The following SPHKAP variants were observed in gnomAD, a reference collection of about 807,000 sequenced individuals.
The protein encoded by SPHKAP is SPHK1 interactor, AKAP domain containing, also known as A-kinase anchor protein SPHKAP.
SPHKAP carries 67 observed loss-of-function variants against 137.5 expected under a neutral mutation model. The observed-to-expected ratio is 0.49, with a 90% CI of 0.40 to 0.60. The LOEUF is 0.60. SPHKAP is among the 20% of genes least tolerant of loss of function. The pLI is 0.00. For synonymous variants in SPHKAP, 813 were observed against 785.3 expected, an observed-to-expected ratio of 1.04 and a Z score of -0.59; for missense variants, 2,097 against 2,069.3, an observed-to-expected ratio of 1.01 and a Z score of -0.26.
At chr2:228,108,995 G>C in intron 2 of SPHKAP, 56 bp from the exon 3 acceptor site, 1 of 1,087,910 alleles carries the variant, frequency 9.2e-7, no homozygotes, top group African/African-American at 1.7e-5. Context: ...TATCTAAACA[G>C]CAGCTCTCTC....
rs371341021 is a variant in SPHKAP at position 228,033,948 on chromosome 2, C to A, written c.247-6405G>T. On this transcript the variant is annotated intron_variant, in intron 3 of 11. Coordinates refer to ENST00000392056, the MANE Select transcript of SPHKAP (RefSeq NM_001142644.2). The stretch of plus-strand genomic sequence containing the variant: ...AGCAGGAAAAATCCAAAATCGACAC[C>A]CTAACGTCACAATTAAAAGAACTAG... 2.6e-5 allele frequency among the ~76,000 whole-genome samples: 4 copies of A among 151,972 alleles called. No individual in the cohort carries two copies. In the East Asian group the frequency reaches 7.7e-4, roughly 29 times the overall value.
rs759501573 is a variant in SPHKAP at position 228,017,581 on chromosome 2, G to C, written c.3273C>G (p.Ser1091=). ...GGCTGTTGACATAGGCCCTGGCCTC[G>C]GAGTCTTCCTCAGGAATGCTTTCGC... is the stretch of plus-strand genomic sequence containing the variant. ...SSCESIPEED[S]EARAYVNSLG... Residue 1091 remains serine, a synonymous_variant, in exon 7 of 12, where the codon TCC becomes TCG. Transcript: ENST00000392056. 1.9e-6 allele frequency: 3 copies of C among 1,613,792 alleles called. No individual in the cohort carries two copies. The highest frequency in any genetic ancestry group is 4.5e-5 in the East Asian group (2 of 44,866).
At chr2:228,082,681 G>A (rs533188906) in intron 3 of SPHKAP, among the ~76,000 whole-genome samples, 1 of 152,044 alleles carries the variant, frequency 6.6e-6, no homozygotes, top group Non-Finnish European at 1.5e-5. Context: ...AGAAAGGCTG[G>A]GACACTGGAC....
chr2:228,024,850 GATA>G (rs1259097608), intron 5 of SPHKAP, among the ~76,000 whole-genome samples: 1 of 152,130 alleles, frequency 6.6e-6, no homozygotes, highest in Non-Finnish European at 1.5e-5. Flanking sequence ...TGCACGGAAT[GATA>G]ATAGTAGTAT....
At chr2:228,133,545 G>A (rs922896812) in intron 1 of SPHKAP, among the ~76,000 whole-genome samples, 1 of 151,980 alleles carries the variant, frequency 6.6e-6, no homozygotes, top group East Asian at 1.9e-4. Flanking sequence ...TAGGTCTATT[G>A]GTTTAATATT....
chr2:228,014,259 A>T (rs1386883408), intron 7 of SPHKAP, among the ~76,000 whole-genome samples: 1 of 152,002 alleles, frequency 6.6e-6, no homozygotes, highest in Non-Finnish European at 1.5e-5. Context: ...GTTAAAGAAG[A>T]CTCCAAGTCA....
chr2:228,165,028 A>G (rs1700384194), intron 1 of SPHKAP, among the ~76,000 whole-genome samples: 1 of 152,200 alleles, frequency 6.6e-6, no homozygotes, highest in South Asian at 2.1e-4. Flanking sequence ...TATCTGATAT[A>G]CAGTAAAGGA....
At chr2:228,001,595 G>T (rs762128684) in intron 7 of SPHKAP, among the ~76,000 whole-genome samples, 10 of 148,282 alleles carry the variant, frequency 6.7e-5, no homozygotes, top group African/African-American at 2.5e-4. Context: ...TATACTTTAA[G>T]TTCTAGGGTA....
intron 1 of SPHKAP, among the ~76,000 whole-genome samples, chr2:228,174,017 A>G (rs1700664141): frequency 6.6e-6 from 1 of 152,212 alleles, no homozygotes; most frequent in Non-Finnish European, 1.5e-5. Flanking sequence ...CTTCTACCTT[A>G]AGGAGAAATG....
intron 3 of SPHKAP, among the ~76,000 whole-genome samples, chr2:228,097,324 C>T (rs1469060596): frequency 6.6e-6 from 1 of 152,150 alleles, no homozygotes; most frequent in Non-Finnish European, 1.5e-5. Flanking sequence ...TTTAAAAACA[C>T]ACTTCGATTT....
rs1359828809 is a variant in SPHKAP at position 228,017,169 on chromosome 2, G to T, written c.3685C>A (p.Arg1229=). ...GACTGTCTGTGGCACACTGGGGATCGCAGAGAAGGAGACAGCAGGCCGGCT... is the reference window on the plus strand; with the variant it reads ...GACTGTCTGTGGCACACTGGGGATCTCAGAGAAGGAGACAGCAGGCCGGCT... ...WTAGLLSPSL[R]SPVCHRQSSM... Residue 1229 remains arginine, a synonymous_variant, in exon 7 of 12, where the codon CGA becomes AGA. Transcript: ENST00000392056. The T allele has an allele frequency of 1.2e-6, 2 of 1,613,750 alleles. No individual in the cohort carries two copies. Among genetic ancestry groups the T allele is most frequent in the African/African-American group, 2.7e-5 (2 of 74,886 alleles).
intron 3 of SPHKAP, among the ~76,000 whole-genome samples, chr2:228,059,947 G>A (rs1322219514): frequency 6.6e-6 from 1 of 152,178 alleles, no homozygotes; most frequent in African/African-American, 2.4e-5. Context: ...ATAACAACCA[G>A]ATAAGCTTGA....
intron 1 of SPHKAP, among the ~76,000 whole-genome samples, chr2:228,158,896 C>T (rs180814836): frequency 1.7e-3 from 253 of 152,284 alleles, no homozygotes; most frequent in African/African-American, 5.5e-3. Context: ...TTTCCCTCAC[C>T]CCAATCAAAT....
Position 228,131,859 on chromosome 2 carries a change from T to C in SPHKAP, c.138+121A>G, listed in dbSNP as rs1699263423. The C allele has an allele frequency of 3.5e-6, 5 of 1,415,538 alleles. No homozygotes were observed. The South Asian group carries it at 5.6e-5, about 16-fold the overall frequency. The allele number at this position is 1,415,538 out of a possible 1,614,324, so 87.7% of individuals were successfully genotyped here. A position where few individuals can be genotyped will look rare whatever the true frequency, so the allele number is the denominator to read the frequency against. On this transcript the variant is annotated intron_variant, in intron 2 of 11. Coordinates refer to ENST00000392056, the MANE Select transcript of SPHKAP (RefSeq NM_001142644.2). ...AAGGCTTACTTGGGAAAGCAAACCG[T>C]GAGCCATTTTGTTGTTTGTTTTTAT...
intron 3 of SPHKAP, among the ~76,000 whole-genome samples, chr2:228,091,084 ATATGC>A (rs1254452667): frequency 3.9e-5 from 6 of 152,230 alleles, no homozygotes; most frequent in Non-Finnish European, 8.8e-5. Flanking sequence ...ATAAAAAGTA[ATATGC>A]TATTATGTGG....
At chr2:228,048,546 CAT>C (rs942694328) in intron 3 of SPHKAP, among the ~76,000 whole-genome samples, 6 of 152,112 alleles carry the variant, frequency 3.9e-5, no homozygotes, top group African/African-American at 1.4e-4. Flanking sequence ...TGACAGAACG[CAT>C]ATATGACTGT....
At position 228,181,444 on chromosome 2, in the gene SPHKAP, C is replaced by T. The variant is rs1700909715; in HGVS notation, c.32+123G>A. 7.4e-7 allele frequency: 1 copy of T among 1,344,292 alleles called. No homozygotes were observed. The highest frequency in any genetic ancestry group is 1.1e-6 in the Non-Finnish European group (1 of 936,160). The allele number at this position is 1,344,292 out of a possible 1,614,324, so 83.3% of individuals were successfully genotyped here. A position where few individuals can be genotyped will look rare whatever the true frequency, so the allele number is the denominator to read the frequency against. ...GGACTTATTTACAAGTGCAGTGACC[C>T]CTGTCTCCTCGCTGGGAGCCCCGTG... is the stretch of plus-strand genomic sequence containing the variant. On this transcript the variant is annotated intron_variant, in intron 1 of 11. Coordinates refer to ENST00000392056, the MANE Select transcript of SPHKAP (RefSeq NM_001142644.2). This position sits in a 1 kb window ranked among gnomAD's most constrained non-coding sequence, Gnocchi z 4.3.
chr2:228,060,389 G>A (rs1024212011), intron 3 of SPHKAP, among the ~76,000 whole-genome samples: 6 of 152,188 alleles, frequency 3.9e-5, no homozygotes, highest in Admixed American at 2.6e-4. Context: ...ATAATCACAC[G>A]GGTTCTTTTT....
chr2:228,077,269 C>T (rs990940320), intron 3 of SPHKAP, among the ~76,000 whole-genome samples: 10 of 152,208 alleles, frequency 6.6e-5, no homozygotes, highest in Admixed American at 1.3e-4. Context: ...GGGGCACCAC[C>T]TAGTGGAGCT....
Sources: gnomAD v4.1 joint callset for allele counts (sites outside exome capture counted in the v4.1 genomes callset) on GRCh38, gnomAD v4.1.1 for gene constraint, Gnocchi (gnomAD v3.1) non-coding constraint, MANE v1.5 for transcripts, NCBI Gene and HGNC (gene_info 2026-07-23, HGNC 2026-07-21) for gene names.